SULT1E1: variants seen among roughly 807,000 people sequenced by gnomAD.
The protein encoded by SULT1E1 is sulfotransferase family 1E member 1.
In SULT1E1, 36 loss-of-function variants were observed where a neutral mutation model predicts 33.6. That is an observed-to-expected ratio of 1.07 (90% CI 0.82 to 1.41). The LOEUF (loss-of-function observed/expected upper bound fraction) is 1.41, where lower values mean the gene tolerates loss of function less well. Among genes scored for constraint, SULT1E1 ranks in the 40% most tolerant of loss-of-function variants. The pLI, the probability that SULT1E1 is intolerant of heterozygous loss-of-function variation, is 0.00. For synonymous variants in SULT1E1, 121 were observed against 111.7 expected (o/e 1.08, Z -0.53); for missense variants, 371 against 345.7 (o/e 1.07, Z -0.58).
chr4:69,854,135 A>T, intron 4 of SULT1E1, 82 bp downstream of exon 4: 1 of 897,170 alleles, frequency 1.1e-6, no homozygotes, highest in Non-Finnish European at 1.7e-6. Context: ...AAGAATAAAT[A>T]AACAAGTGTG....
chr4:69,822,888 T>A, the SULT1E1 span, among the ~76,000 whole-genome samples: 8 of 152,020 alleles, frequency 5.3e-5, no homozygotes, highest in Admixed American at 3.3e-4. Flanking sequence ...TGAAAAAAAA[T>A]GGTCCTGCAA....
chr4:69,841,886 C>T lies in SULT1E1; in HGVS notation c.*108G>A, dbSNP rs565520096. ...AAACAAAAATTTAAAAAGAAAATGT[C>T]AACATAATCCATGATTATGTCTTTT... On this transcript the variant is annotated 3_prime_UTR_variant, in exon 8 of 8. Transcript: ENST00000226444. 1.6e-5 allele frequency: 9 copies of T among 570,136 alleles called. No individual in the cohort carries two copies. The highest frequency in any genetic ancestry group is 1.5e-4 in the Admixed American group (4 of 25,910). The allele number at this position is 570,136 out of a possible 1,614,324, so 35.3% of individuals were successfully genotyped here. A position where few individuals can be genotyped will look rare whatever the true frequency, so the allele number is the denominator to read the frequency against.
chr4:69,832,924 A>G, the SULT1E1 span, among the ~76,000 whole-genome samples: 119 of 152,206 alleles, frequency 7.8e-4, 2 homozygotes, highest in Non-Finnish European at 1.3e-3. Context: ...TCACATCTCT[A>G]TATTGAGGGA....
chr4:69,842,175 A>G, intron 7 of SULT1E1, 69 bp from the exon 8 acceptor site: 1 of 859,042 alleles, frequency 1.2e-6, no homozygotes, highest in Non-Finnish European at 1.9e-6. Context: ...TGCTAATTTC[A>G]TCACTTTCAT....
At chr4:69,831,680 C>T in the SULT1E1 span, among the ~76,000 whole-genome samples, 20 of 152,136 alleles carry the variant, frequency 1.3e-4, no homozygotes, top group Admixed American at 1.2e-3. Flanking sequence ...GATGTGCACT[C>T]GCTCTTTCTT....
chr4:69,824,228 T>G, the SULT1E1 span, among the ~76,000 whole-genome samples: 1 of 152,314 alleles, frequency 6.6e-6, no homozygotes, highest in Non-Finnish European at 1.5e-5. Flanking sequence ...CAGTGGCAGA[T>G]AGTGCCTTAA....
chr4:69,827,988 C>T, the SULT1E1 span, among the ~76,000 whole-genome samples: 2 of 152,212 alleles, frequency 1.3e-5, no homozygotes, highest in Non-Finnish European at 2.9e-5. Context: ...AGGCACACTG[C>T]CCCAGAGGGC....
At chr4:69,839,728 T>C (rs1720847679), downstream of SULT1E1, among the ~76,000 whole-genome samples, 3 of 152,178 alleles carry the variant, frequency 2.0e-5, no homozygotes. Context: ...GTTTTCATTG[T>C]CTCCAGTCCA....
chr4:69,835,842 C>T, the SULT1E1 span, among the ~76,000 whole-genome samples: 3 of 152,048 alleles, frequency 2.0e-5, no homozygotes, highest in Non-Finnish European at 4.4e-5. Flanking sequence ...AGAAACTAGG[C>T]TGTTTTGCCC....
intron 4 of SULT1E1, among the ~76,000 whole-genome samples, chr4:69,849,847 T>C (rs1721067557): frequency 1.3e-5 from 2 of 152,084 alleles, no homozygotes; most frequent in East Asian, 1.9e-4. Flanking sequence ...TTTATCAATA[T>C]AAATTAAGTC....
At chr4:69,831,599 T>C in the SULT1E1 span, among the ~76,000 whole-genome samples, 2 of 152,188 alleles carry the variant, frequency 1.3e-5, no homozygotes, top group Non-Finnish European at 2.9e-5. Flanking sequence ...GAAAAAACTT[T>C]CTTAAAATTA....
At chr4:69,840,139 T>C (rs1177078460), downstream of SULT1E1, among the ~76,000 whole-genome samples, 1 of 152,188 alleles carries the variant, frequency 6.6e-6, no homozygotes, top group Non-Finnish European at 1.5e-5. Context: ...CGGTAAACAC[T>C]GTCCTCAACA....
intron 6 of SULT1E1, 55 bp downstream of exon 6, chr4:69,847,642 TC>T (rs11249466): frequency 0.04 from 47,646 of 1,198,012 alleles, 1,160 homozygotes; most frequent in Admixed American, 0.078. Context: ...CAGAGTATTT[TC>T]AAATGCTAAC....
At chr4:69,858,766 C>G (rs554680400) in intron 1 of SULT1E1, among the ~76,000 whole-genome samples, 1 of 152,122 alleles carries the variant, frequency 6.6e-6, no homozygotes, top group Non-Finnish European at 1.5e-5. Flanking sequence ...CAAGCCTTCT[C>G]CTTAGTCTCA....
chr4:69,842,276 T>A (rs2110064769), intron 7 of SULT1E1, among the ~76,000 whole-genome samples, 170 bp from the exon 8 acceptor site: 1 of 152,344 alleles, frequency 6.6e-6, no homozygotes, highest in Non-Finnish European at 1.5e-5. Flanking sequence ...CTTACAAAGA[T>A]GGATTTGTCC....
At chr4:69,827,752 T>A in the SULT1E1 span, among the ~76,000 whole-genome samples, 1 of 152,212 alleles carries the variant, frequency 6.6e-6, no homozygotes, top group Middle Eastern at 3.4e-3. Flanking sequence ...AAAAGCGAGA[T>A]CAGAGAAAGG....
chr4:69,828,247 T>A, the SULT1E1 span, among the ~76,000 whole-genome samples: 18 of 152,168 alleles, frequency 1.2e-4, no homozygotes, highest in African/African-American at 4.3e-4. Context: ...CCCACTCAAG[T>A]CCCTTTCCAT....
chr4:69,850,651 A>T (rs2110070123), intron 4 of SULT1E1, among the ~76,000 whole-genome samples: 1 of 152,104 alleles, frequency 6.6e-6, no homozygotes, highest in African/African-American at 2.4e-5. Context: ...AGCTGAATGG[A>T]ACCCTTTGCC....
At chr4:69,843,258 AG>A (rs1720914653) in intron 7 of SULT1E1, among the ~76,000 whole-genome samples, 1 of 152,208 alleles carries the variant, frequency 6.6e-6, no homozygotes, top group South Asian at 2.1e-4. Context: ...AAAATCAGAT[AG>A]GTTCTGAGGG....
Sources: allele counts gnomAD v4.1 joint callset (sites outside exome capture counted in the v4.1 genomes callset), GRCh38; gene constraint gnomAD v4.1.1; transcripts MANE v1.5; gene names NCBI Gene and HGNC (gene_info 2026-07-23, HGNC 2026-07-21).